Variants in MCCC1 observed in about 807,000 individuals in gnomAD.
MCCC1 encodes methylcrotonyl-CoA carboxylase subunit 1.
In MCCC1, 64 loss-of-function variants were observed where a neutral mutation model predicts 83.8. That is an observed-to-expected ratio of 0.76 (90% CI 0.62 to 0.94). The LOEUF (loss-of-function observed/expected upper bound fraction) is 0.94, where lower values mean the gene tolerates loss of function less well. MCCC1 is among the 40% of genes least tolerant of loss of function. The pLI is 0.00. For missense variants in MCCC1, 807 were observed against 904.7 expected, an observed-to-expected ratio of 0.89 and a Z score of 1.39; for synonymous variants, 322 against 315.4, an observed-to-expected ratio of 1.02 and a Z score of -0.22.
Position 183,017,475 on chromosome 3 carries a change from A to C in MCCC1, c.1978-138T>G, listed in dbSNP as rs993148702. The C allele has an allele frequency of 3.8e-6, 3 of 793,176 alleles. No individual in the cohort carries two copies. The African/African-American group carries it at 5.3e-5, about 14-fold the overall frequency. The allele number at this position is 793,176 out of a possible 1,614,324, so 49.1% of individuals were successfully genotyped here. A position where few individuals can be genotyped will look rare whatever the true frequency, so the allele number is the denominator to read the frequency against. ...TGCAAACCATGAATATAAACAATAA[A>C]ACATAAATAAAAAGAAAAAAAACAA... On this transcript the variant is annotated intron_variant, in intron 17 of 18. Transcript: ENST00000265594.
At position 183,015,653 on chromosome 3, in the gene MCCC1, T is replaced by C. The variant is rs1711553214; in HGVS notation, c.2050-87A>G. The stretch of plus-strand genomic sequence containing the variant: ...CAAGTCAAGAAAGGGAGACCAAAAA[T>C]GAAAACTGTAGCCAACTTTGATGTT... On this transcript the variant is annotated intron_variant, in intron 18 of 18. Coordinates refer to ENST00000265594, the MANE Select transcript of MCCC1 (RefSeq NM_020166.5). The C allele has an allele frequency of 7.2e-6, 11 of 1,527,802 alleles. No homozygotes were observed. In the East Asian group the frequency reaches 1.6e-4, roughly 22 times the overall value. 94.6% of individuals were successfully genotyped at this position (1,527,802 alleles called of 1,614,324 possible).
At chr3:183,044,451 A>G (rs1453099293) in intron 10 of MCCC1, among the ~76,000 whole-genome samples, 3 of 152,232 alleles carry the variant, frequency 2.0e-5, no homozygotes, top group African/African-American at 4.8e-5. Flanking sequence ...AAATGCTTTA[A>G]AAGTTTCCAA....
chr3:183,030,811 C>A (rs1384059494), intron 14 of MCCC1, among the ~76,000 whole-genome samples: 1 of 152,128 alleles, frequency 6.6e-6, no homozygotes, highest in Non-Finnish European at 1.5e-5. Context: ...TTATCAAAAA[C>A]TTTGTATTGA....
intron 7 of MCCC1, among the ~76,000 whole-genome samples, chr3:183,058,597 C>G (rs1307006144): frequency 6.6e-6 from 1 of 152,156 alleles, no homozygotes; most frequent in Non-Finnish European, 1.5e-5. Flanking sequence ...CCACTGCATT[C>G]CAGCCTGGCT....
At chr3:183,096,047 A>G (rs1474474773) in intron 1 of MCCC1, among the ~76,000 whole-genome samples, 2 of 152,168 alleles carry the variant, frequency 1.3e-5, no homozygotes, top group African/African-American at 2.4e-5. Context: ...GCTAAAGAGG[A>G]TAAGTGGGCT....
chr3:183,102,758 GTTTTTTTT>G (rs566199257), upstream of MCCC1, among the ~76,000 whole-genome samples: 287 of 52,210 alleles, frequency 5.5e-3, 9 homozygotes, highest in Non-Finnish European at 7.7e-3. Flanking sequence ...AGCAGAGAAA[GTTTTTTTT>G]TTTTTTTTTT....
At position 183,096,305 on chromosome 3, in the gene MCCC1, C is replaced by T. The variant is rs149113826; in HGVS notation, c.90-1700G>A. Among the ~76,000 whole-genome samples the T allele has an allele frequency of 1.0e-3, 159 of 151,730 alleles. 2 individuals carry two copies. The East Asian group carries it at 0.026, about 25-fold the overall frequency. The stretch of plus-strand genomic sequence containing the variant: ...GAGCCAAGATCGTGCCACTACATTC[C>T]AGCCTGGGTGACAGAGTGAGACTCC... On this transcript the variant is annotated intron_variant, in intron 1 of 18. Coordinates refer to ENST00000265594, the MANE Select transcript of MCCC1 (RefSeq NM_020166.5).
intron 17 of MCCC1, among the ~76,000 whole-genome samples, chr3:183,018,723 A>T (rs574125679): frequency 1.8e-4 from 28 of 152,258 alleles, no homozygotes; most frequent in Non-Finnish European, 3.7e-4. Context: ...AATATACTTA[A>T]ATGTCTTCCC....
Position 183,064,242 on chromosome 3 carries a change from G to A in MCCC1, c.761+6757C>T, listed in dbSNP as rs1272258490. On this transcript the variant is annotated intron_variant, in intron 7 of 18. Transcript: ENST00000265594. This position sits in a 1 kb window ranked among gnomAD's most constrained non-coding sequence, Gnocchi z 4.5. ...TTTACCTCCCTAAAAGGAGAAACTT[G>A]AGAGCTGATGGGACTGCTAGAAAAG... Among the ~76,000 whole-genome samples the A allele has an allele frequency of 6.7e-6, 1 of 149,874 alleles. No homozygotes were observed. The highest frequency in any genetic ancestry group is 1.5e-5 in the Non-Finnish European group (1 of 67,586).
chr3:183,060,759 G>A (rs1172209315), intron 7 of MCCC1, among the ~76,000 whole-genome samples: 1 of 152,002 alleles, frequency 6.6e-6, no homozygotes, highest in Admixed American at 6.6e-5. Context: ...GGTGTGTGAT[G>A]TTCCCCTTCC....
chr3:183,053,228 T>C (rs1715127774), intron 8 of MCCC1, among the ~76,000 whole-genome samples: 2 of 151,510 alleles, frequency 1.3e-5, no homozygotes, highest in East Asian at 4.0e-4. Flanking sequence ...CCCAACACTT[T>C]GGGAGGCCGA....
At chr3:183,075,834 C>T (rs910280906) in intron 4 of MCCC1, among the ~76,000 whole-genome samples, 5 of 151,668 alleles carry the variant, frequency 3.3e-5, no homozygotes, top group Non-Finnish European at 7.4e-5. Context: ...GCCACTGTGC[C>T]CGGCTGTCCT....
intron 17 of MCCC1, 50 bp from the exon 18 acceptor site, chr3:183,017,387 A>G: frequency 1.9e-6 from 3 of 1,554,098 alleles, no homozygotes; most frequent in South Asian, 2.2e-5. Context: ...GAGGTCCTAG[A>G]TATGTTCATC....
intron 15 of MCCC1, 131 bp from the exon 16 acceptor site, chr3:183,022,685 T>A: frequency 1.2e-6 from 1 of 823,376 alleles, no homozygotes; most frequent in Non-Finnish European, 1.9e-6. Flanking sequence ...TAACATATAT[T>A]TTTTAAAAAG....
chr3:183,060,103 C>T lies in MCCC1; in HGVS notation c.762-2681G>A, dbSNP rs556504450. On this transcript the variant is annotated intron_variant, in intron 7 of 18. Transcript: ENST00000265594. Reference sequence around the variant, plus strand: ...TCTAATTCTTGTGGTATTCAAATAACGTGTTACATCCTTTTAAATTGTCCC... The same window carrying T: ...TCTAATTCTTGTGGTATTCAAATAATGTGTTACATCCTTTTAAATTGTCCC... 3.0e-3 allele frequency among the ~76,000 whole-genome samples: 452 copies of T among 152,278 alleles called. 1 individual carries two copies. Among genetic ancestry groups the T allele is most frequent in the African/African-American group, 0.01 (418 of 41,552 alleles).
intron 11 of MCCC1, 121 bp from the exon 12 acceptor site, chr3:183,039,256 TAAC>T: frequency 1.0e-6 from 1 of 988,718 alleles, no homozygotes; most frequent in South Asian, 1.4e-5. Context: ...GCATGATAAA[TAAC>T]AACACAAATT....
Position 183,022,671 on chromosome 3 carries a change from TATATAAC to T in MCCC1, c.1732-124_1732-118del, listed in dbSNP as rs763724885. The T allele has an allele frequency of 3.5e-6, 3 of 868,656 alleles. No individual in the cohort carries two copies. The African/African-American group carries it at 5.1e-5, about 15-fold the overall frequency. 53.8% of individuals were successfully genotyped at this position (868,656 alleles called of 1,614,324 possible). A position where few individuals can be genotyped will look rare whatever the true frequency, so the allele number is the denominator to read the frequency against. On this transcript the variant is annotated intron_variant, in intron 15 of 18. Transcript: ENST00000265594. ...TAAAACATAAAATGTGTCTTAAACA[TATATAAC>T]ATATATTTTTTAAAAAGTCATGGAA...
At chr3:183,070,730 G>A (rs1046575226) in intron 7 of MCCC1, among the ~76,000 whole-genome samples, 7 of 35,078 alleles carry the variant, frequency 2.0e-4, no homozygotes, top group Non-Finnish European at 3.0e-4. Context: ...GAGAGACTCC[G>A]TCCAAAAAAA....
intron 12 of MCCC1, 114 bp from the exon 13 acceptor site, chr3:183,037,548 TAAA>T (rs560451877): frequency 2.2e-6 from 2 of 921,828 alleles, no homozygotes; most frequent in Non-Finnish European, 3.4e-6. Context: ...TTAGGAAAAA[TAAA>T]AAACCTACTA....
Sources: gnomAD v4.1 joint callset for allele counts (sites outside exome capture counted in the v4.1 genomes callset) on GRCh38, gnomAD v4.1.1 for gene constraint, Gnocchi (gnomAD v3.1) non-coding constraint, MANE v1.5 for transcripts, NCBI Gene and HGNC (gene_info 2026-07-23, HGNC 2026-07-21) for gene names.